COL19A1: variants seen among roughly 807,000 people sequenced by gnomAD.
COL19A1 encodes collagen alpha-1(XIX) chain.
Under a neutral mutation model 190.2 loss-of-function variants are expected in COL19A1, and 159 were observed. The observed-to-expected ratio is 0.84, with a 90% CI of 0.73 to 0.95. COL19A1 has a LOEUF of 0.95. Among genes scored for constraint, COL19A1 ranks in the 40% least tolerant of loss-of-function variants. The pLI, the probability that COL19A1 is intolerant of heterozygous loss-of-function variation, is 0.00. For missense variants in COL19A1, 1,418 were observed against 1,431.9 expected, an observed-to-expected ratio of 0.99 and a Z score of 0.16; for synonymous variants, 509 against 458.9, an observed-to-expected ratio of 1.11 and a Z score of -1.39.
intron 46 of COL19A1, among the ~76,000 whole-genome samples, chr6:70,187,125 C>T (rs1001161160): frequency 1.3e-5 from 2 of 152,096 alleles, no homozygotes; most frequent in Non-Finnish European, 1.5e-5. Flanking sequence ...GGTGATCTGC[C>T]CACCTCGGCC....
rs1562271820 is a variant in COL19A1, at chr6:70,207,307, A to G, written c.*33A>G. 1.9e-6 allele frequency: 3 copies of G among 1,584,660 alleles called. No homozygotes were observed. The highest frequency in any genetic ancestry group is 2.6e-6 in the Non-Finnish European group (3 of 1,166,936). On this transcript the variant is annotated 3_prime_UTR_variant, in exon 51 of 51. Transcript: ENST00000620364. ...TGAAGAAGACTTGGTTCCTGGTAAC[A>G]TTTCCTTGCCACTGGAGCTCTCTTA...
At chr6:69,949,154 C>A (rs1773984321) in intron 9 of COL19A1, among the ~76,000 whole-genome samples, 1 of 151,830 alleles carries the variant, frequency 6.6e-6, no homozygotes, top group Non-Finnish European at 1.5e-5. Flanking sequence ...ATTCATGTAA[C>A]TTCCAGTGGT....
At chr6:69,921,533 T>TATATATTC in intron 4 of COL19A1, among the ~76,000 whole-genome samples, 2 of 99,722 alleles carry the variant, frequency 2.0e-5, no homozygotes, top group African/African-American at 5.2e-5. Flanking sequence ...TATATATTCA[T>TATATATTC]GTATATTCAT....
Position 70,171,979 on chromosome 6 carries a change from A to G in COL19A1, c.2584A>G (p.Met862Val), listed in dbSNP as rs1444346567. ...TATTTAACAGGGAGAGCCTGGTGCA[A>G]TGGGGTTGCCAGGATTAGAAGGATT... is the stretch of plus-strand genomic sequence containing the variant. ...DPGPVGEPGAMGLPGLEGFPG... is the reference protein window; with the variant it reads ...DPGPVGEPGAVGLPGLEGFPG... The change falls in exon 41 of 51, where the codon ATG (methionine) becomes GTG (valine). Residue 862 changes from methionine to valine, a missense_variant. Physicochemically the swap from Met to Val is conservative, Grantham distance 21. Coordinates refer to ENST00000620364, the MANE Select transcript of COL19A1 (RefSeq NM_001858.6). 1.9e-6 allele frequency: 3 copies of G among 1,612,226 alleles called. No homozygotes were observed. The highest frequency in any genetic ancestry group is 1.7e-5 in the Admixed American group (1 of 59,714).
intron 6 of COL19A1, 51 bp from the exon 7 acceptor site, chr6:69,932,732 A>T: frequency 9.3e-7 from 1 of 1,077,820 alleles, no homozygotes; most frequent in Non-Finnish European, 1.4e-6. Flanking sequence ...TAACTGCCTG[A>T]ATGTGATTCC....
At position 70,002,051 on chromosome 6, in the gene COL19A1, G is replaced by A. The variant is rs141725459; in HGVS notation, c.1027-21576G>A. Among the ~76,000 whole-genome samples, 426 of 152,126 alleles carry A rather than the reference G, an allele frequency of 2.8e-3. 6 individuals are homozygous for A. The South Asian group carries it at 0.029, about 10-fold the overall frequency. Reference sequence around the variant, plus strand: ...TTGAGGTGTGTTCCATCAATAACTAGTTTATTGAGGGTTTTTAACATGAAG... The same window carrying A: ...TTGAGGTGTGTTCCATCAATAACTAATTTATTGAGGGTTTTTAACATGAAG... On this transcript the variant is annotated intron_variant, in intron 11 of 50. Coordinates refer to ENST00000620364, the MANE Select transcript of COL19A1 (RefSeq NM_001858.6).
At chr6:70,053,820 A>T (rs2150134809) in intron 14 of COL19A1, among the ~76,000 whole-genome samples, 1 of 152,290 alleles carries the variant, frequency 6.6e-6, no homozygotes, top group Non-Finnish European at 1.5e-5. Context: ...ATGCAACTAC[A>T]TTTCACTTTA....
intron 10 of COL19A1, among the ~76,000 whole-genome samples, chr6:69,961,605 C>A (rs971897011): frequency 6.6e-6 from 1 of 152,126 alleles, no homozygotes; most frequent in Non-Finnish European, 1.5e-5. Flanking sequence ...ATAGACCATG[C>A]ATTCAGTGGT....
chr6:69,957,387 G>A (rs761928193), intron 9 of COL19A1, among the ~76,000 whole-genome samples: 2 of 152,072 alleles, frequency 1.3e-5, no homozygotes, highest in Non-Finnish European at 2.9e-5. Flanking sequence ...ATTGTCCTGT[G>A]AAGTTAAAGA....
chr6:70,085,749 TC>T (rs113312186), intron 15 of COL19A1, among the ~76,000 whole-genome samples: 54,965 of 135,604 alleles, frequency 0.41, 11,573 homozygotes, highest in Non-Finnish European at 0.48. Context: ...AAACGTATAC[TC>T]TTATTTCAAA....
At chr6:70,197,047 A>T (rs1767240660) in intron 48 of COL19A1, among the ~76,000 whole-genome samples, 1 of 152,186 alleles carries the variant, frequency 6.6e-6, no homozygotes, top group South Asian at 2.1e-4. Context: ...AACTCAATTC[A>T]TATATTAAAG....
At chr6:70,180,250 G>T (rs1766085692) in intron 42 of COL19A1, 62 bp from the exon 43 acceptor site, 3 of 1,585,910 alleles carry the variant, frequency 1.9e-6, no homozygotes, top group Admixed American at 3.3e-5. Flanking sequence ...TGGGGGAAGA[G>T]AAGCATATGG....
chr6:70,171,782 A>T (rs867700874), intron 40 of COL19A1, among the ~76,000 whole-genome samples, 182 bp from the exon 41 acceptor site: 2 of 152,244 alleles, frequency 1.3e-5, no homozygotes, highest in Non-Finnish European at 2.9e-5. Flanking sequence ...TTATTCTCAA[A>T]CTATTTTCAA....
chr6:69,971,929 C>T lies in COL19A1; in HGVS notation c.1026+9059C>T, dbSNP rs549788982. ...CTTTACAAAACTATTCATGTGGCTT[C>T]TATTTTAAAAACATTTTAGTTGTTT... On this transcript the variant is annotated intron_variant, in intron 11 of 50. Coordinates refer to ENST00000620364, the MANE Select transcript of COL19A1 (RefSeq NM_001858.6). Among the ~76,000 whole-genome samples the T allele has an allele frequency of 8.9e-4, 135 of 152,302 alleles. No homozygotes were observed. In the South Asian group the frequency reaches 1.0e-2, roughly 11 times the overall value.
At position 70,208,302 on chromosome 6, in the gene COL19A1, G is replaced by C. The variant is rs1176154567; in HGVS notation, c.*1028G>C. The C allele has an allele frequency of 6.6e-6, 1 of 152,238 alleles. No individual in the cohort carries two copies. The highest frequency in any genetic ancestry group is 1.5e-5 in the Non-Finnish European group (1 of 68,048). The allele number at this position is 152,238 out of a possible 1,614,324, so 9.4% of individuals were successfully genotyped here. On this transcript the variant is annotated 3_prime_UTR_variant, in exon 51 of 51. Transcript: ENST00000620364. ...GACTCACTTGTCCTAGAAGATGAATGTGTAGTGTCAGCAAATGCATGTTAA... is the reference window on the plus strand; with the variant it reads ...GACTCACTTGTCCTAGAAGATGAATCTGTAGTGTCAGCAAATGCATGTTAA...
At chr6:69,896,543 C>CAAAAAAAAAAAAAAA (rs61409385) in intron 2 of COL19A1, among the ~76,000 whole-genome samples, 36 of 71,682 alleles carry the variant, frequency 5.0e-4, no homozygotes, top group African/African-American at 2.0e-3. Context: ...GACTCCGTCT[C>CAAAAAAAAAAAAAAA]AAAAAAAAAA....
chr6:70,141,034 A>G, intron 20 of COL19A1, 45 bp downstream of exon 20: 1 of 1,535,056 alleles, frequency 6.5e-7, no homozygotes, highest in Non-Finnish European at 9.0e-7. Flanking sequence ...TACTTCATTG[A>G]TTTGTTTCTC....
intron 15 of COL19A1, among the ~76,000 whole-genome samples, chr6:70,096,056 T>C (rs946297262): frequency 1.3e-5 from 2 of 151,470 alleles, no homozygotes; most frequent in Admixed American, 6.6e-5. Flanking sequence ...TAACCAGAAA[T>C]GGGATTGCTA....
chr6:69,944,426 A>G (rs1582479902), intron 9 of COL19A1, among the ~76,000 whole-genome samples: 1 of 152,154 alleles, frequency 6.6e-6, no homozygotes, highest in East Asian at 1.9e-4. Flanking sequence ...AGCTATTTCT[A>G]GAAACTGTAA....
Sources: gnomAD v4.1 joint callset for allele counts (sites outside exome capture counted in the v4.1 genomes callset) on GRCh38, gnomAD v4.1.1 for gene constraint, MANE v1.5 for transcripts, NCBI Gene and HGNC (gene_info 2026-07-23, HGNC 2026-07-21) for gene names.